CACNA1C: variants seen among roughly 807,000 people sequenced by gnomAD.
CACNA1C encodes calcium voltage-gated channel subunit alpha1 C.
CACNA1C carries 30 observed loss-of-function variants against 229.0 expected under a neutral mutation model. The ratio of observed to expected loss-of-function variants is 0.13; its 90% CI spans 0.10 to 0.18. The LOEUF is 0.18. CACNA1C is among the 10% of genes least tolerant of loss of function. The pLI is 1.00. For missense variants in CACNA1C, 1,658 were observed against 2,845.0 expected (o/e 0.58, Z 9.49); for synonymous variants, 1,114 against 1,132.5 (o/e 0.98, Z 0.33).
chr12:2,170,143 A>G (rs75804931), intron 3 of CACNA1C, among the ~76,000 whole-genome samples: 4,891 of 152,324 alleles, frequency 0.032, 249 homozygotes, highest in African/African-American at 0.11. Flanking sequence ...AACCATGGCC[A>G]ACAGTTAAAT....
At chr12:2,641,941 G>C (rs2093750666) in intron 30 of CACNA1C, among the ~76,000 whole-genome samples, 1 of 152,154 alleles carries the variant, frequency 6.6e-6, no homozygotes, top group South Asian at 2.1e-4. Context: ...AGTCCCCTGG[G>C]AGGAGGCCGA....
At chr12:2,668,125 C>CCTT (rs1328629027) in intron 37 of CACNA1C, among the ~76,000 whole-genome samples, 1 of 75,188 alleles carries the variant, frequency 1.3e-5, no homozygotes, top group Non-Finnish European at 4.6e-5. Context: ...GTGATCCTTT[C>CCTT]TCTTCTCTGG....
At chr12:2,573,329 G>A (rs2057153060) in intron 13 of CACNA1C, among the ~76,000 whole-genome samples, 1 of 152,180 alleles carries the variant, frequency 6.6e-6, no homozygotes, top group African/African-American at 2.4e-5. Flanking sequence ...CAAAAAACTT[G>A]ATTCTTACAT....
At chr12:2,324,363 C>A (rs2154500552) in intron 3 of CACNA1C, among the ~76,000 whole-genome samples, 1 of 152,338 alleles carries the variant, frequency 6.6e-6, no homozygotes, top group Middle Eastern at 3.4e-3. Context: ...CATCTCATTT[C>A]TCTGGACCAA....
chr12:2,626,116 T>C (rs1192332656), intron 29 of CACNA1C, among the ~76,000 whole-genome samples: 1 of 152,190 alleles, frequency 6.6e-6, no homozygotes, highest in Non-Finnish European at 1.5e-5. Context: ...TATTCACATC[T>C]TGTTCAAGAG....
intron 5 of CACNA1C, among the ~76,000 whole-genome samples, chr12:2,459,347 C>G (rs948234136): frequency 3.3e-5 from 5 of 152,036 alleles, no homozygotes; most frequent in Admixed American, 1.3e-4. Flanking sequence ...TATATCCTGT[C>G]TCTTAAACTA....
chr12:2,607,175 C>A (rs1405549636), intron 26 of CACNA1C, 45 bp downstream of exon 26: 2 of 1,567,192 alleles, frequency 1.3e-6, no homozygotes, highest in Non-Finnish European at 1.7e-6. Flanking sequence ...CATTCAAGGG[C>A]CAGTACTGAC....
chr12:2,420,795 C>T (rs759291850), intron 3 of CACNA1C, among the ~76,000 whole-genome samples: 6 of 152,192 alleles, frequency 3.9e-5, no homozygotes, highest in Admixed American at 6.5e-5. Context: ...GCATTGCTCT[C>T]ACCTGGCTTC....
rs1289871701 is a variant in CACNA1C, at chr12:2,566,375, C to G, written c.1509-47C>G. 2 of 1,514,480 alleles carry G rather than the reference C, an allele frequency of 1.3e-6. No homozygotes were observed. Among genetic ancestry groups the G allele is most frequent in the Non-Finnish European group, 1.8e-6 (2 of 1,122,512 alleles). 93.8% of individuals were successfully genotyped at this position (1,514,480 alleles called of 1,614,324 possible). ...TGCTGCATCTTGGGTTGGAGGAAAC[C>G]TGAATTCACAGCCAACCCCACCCTT... is the stretch of plus-strand genomic sequence containing the variant. On this transcript the variant is annotated intron_variant, in intron 11 of 46. Transcript: ENST00000399655. This position sits in a 1 kb window ranked among gnomAD's most constrained non-coding sequence, Gnocchi z 4.0.
At position 2,410,193 on chromosome 12, in the gene CACNA1C, G is replaced by A. The variant is rs528734472; in HGVS notation, c.478-38783G>A. Among the ~76,000 whole-genome samples the A allele has an allele frequency of 6.6e-4, 101 of 152,284 alleles. 2 individuals are homozygous for A. In the South Asian group the frequency reaches 0.011, roughly 17 times the overall value. On this transcript the variant is annotated intron_variant, in intron 3 of 46. Coordinates refer to ENST00000399655, the MANE Select transcript of CACNA1C (RefSeq NM_000719.7). This position sits in a 1 kb window ranked among gnomAD's most constrained non-coding sequence, Gnocchi z 5.3. ...TGCCAGAGGGACAGGGTCCTTCCCC[G>A]CAGCACTGAGGCTTGGCCAGTCGTG...
chr12:2,226,133 A>G (rs1456092496), intron 3 of CACNA1C, among the ~76,000 whole-genome samples: 1,171 of 63,000 alleles, frequency 0.019, 14 homozygotes, highest in African/African-American at 0.065. Flanking sequence ...GCGCACACAC[A>G]CACACACACA....
chr12:1,987,811 A>C (rs928062979), intron 1 of CACNA1C, among the ~76,000 whole-genome samples: 2 of 152,198 alleles, frequency 1.3e-5, no homozygotes, highest in South Asian at 4.1e-4. Context: ...TACATGGTGT[A>C]CTATGATTAC....
chr12:2,204,261 T>C (rs889983506), intron 3 of CACNA1C, among the ~76,000 whole-genome samples: 3 of 152,066 alleles, frequency 2.0e-5, no homozygotes, highest in African/African-American at 7.3e-5. Flanking sequence ...TTTTGAGAAG[T>C]GTCTGTTCAT....
chr12:2,272,899 C>T lies in CACNA1C; in HGVS notation c.477+152469C>T, dbSNP rs115250919. On this transcript the variant is annotated intron_variant, in intron 3 of 46. Transcript: ENST00000399655. ...TAGAAGAAATCAGTTTATAGGCAAA[C>T]AAGACTCTGATGTTGGCCCTTAAAA... 9.6e-3 allele frequency among the ~76,000 whole-genome samples: 1,456 copies of T among 152,338 alleles called. 15 individuals carry two copies. Among genetic ancestry groups the T allele is most frequent in the African/African-American group, 0.033 (1,378 of 41,580 alleles).
chr12:1,974,562 C>G (rs1043744978), intron 1 of CACNA1C, among the ~76,000 whole-genome samples: 1 of 152,140 alleles, frequency 6.6e-6, no homozygotes, highest in Non-Finnish European at 1.5e-5. Flanking sequence ...CAACTAAGAG[C>G]TCAAAGGATG....
rs1185281452 is a variant in CACNA1C at position 2,633,166 on chromosome 12, G to T, written c.3829-1131G>T. On this transcript the variant is annotated intron_variant, in intron 29 of 46. Transcript: ENST00000399655. This position sits in a 1 kb window ranked among gnomAD's most constrained non-coding sequence, Gnocchi z 5.8. ...TTCCCAGCTTCACCCATAGGACCGA[G>T]CCCGCTACCCTCTGAGGGGTCACAC... 6.6e-6 allele frequency among the ~76,000 whole-genome samples: 1 copy of T among 152,156 alleles called. No individual in the cohort carries two copies. The highest frequency in any genetic ancestry group is 1.5e-5 in the Non-Finnish European group (1 of 68,034).
intron 3 of CACNA1C, among the ~76,000 whole-genome samples, chr12:2,173,597 T>C (rs1384138510): frequency 1.3e-5 from 2 of 152,106 alleles, no homozygotes; most frequent in Non-Finnish European, 2.9e-5. Context: ...AGTGTGTGTT[T>C]TCACCCTGTA....
intron 5 of CACNA1C, among the ~76,000 whole-genome samples, chr12:2,460,548 A>G (rs1047522109): frequency 6.6e-6 from 1 of 152,232 alleles, no homozygotes; most frequent in Non-Finnish European, 1.5e-5. Flanking sequence ...TCCACTACAG[A>G]GGAAATTTCC....
chr12:2,456,101 G>A (rs1020673331), intron 4 of CACNA1C, among the ~76,000 whole-genome samples: 3 of 152,212 alleles, frequency 2.0e-5, no homozygotes, highest in Non-Finnish European at 2.9e-5. Flanking sequence ...TCAGCAGAAC[G>A]CTTAATGTCC....
Sources: gnomAD v4.1 joint callset for allele counts (sites outside exome capture counted in the v4.1 genomes callset) on GRCh38, gnomAD v4.1.1 for gene constraint, Gnocchi (gnomAD v3.1) non-coding constraint, MANE v1.5 for transcripts, NCBI Gene and HGNC (gene_info 2026-07-23, HGNC 2026-07-21) for gene names.